The following MAP1B variants were observed in gnomAD, a reference collection of about 807,000 sequenced individuals.
MAP1B encodes the protein microtubule associated protein 1B, also known as microtubule-associated protein 1B.
A neutral mutation model predicts 176.1 loss-of-function variants in MAP1B; 12 were observed. The ratio of observed to expected loss-of-function variants is 0.07; its 90% CI spans 0.04 to 0.11. MAP1B has a LOEUF of 0.11. Among genes scored for constraint, MAP1B ranks in the 10% least tolerant of loss-of-function variants. The probability of loss-of-function intolerance (pLI) is 1.00; values close to 1 mark genes in which losing one functional copy is unlikely to be tolerated. For synonymous variants in MAP1B, 1,044 were observed against 1,135.0 expected (o/e 0.92, Z 1.61); for missense variants, 2,523 against 2,990.5 (o/e 0.84, Z 3.65).
At position 72,199,967 on chromosome 5, in the gene MAP1B, C is replaced by A; in HGVS notation, c.6612C>A (p.Pro2204=). 6.2e-7 allele frequency: 1 copy of A among 1,614,210 alleles called. No individual in the cohort carries two copies. The highest frequency in any genetic ancestry group is 8.5e-7 in the Non-Finnish European group (1 of 1,180,048). ...AACACATGGACCCACCTCCAGCTCC[C>A]GTGCAAGACCGCAGCCCTTCGCCAC... ...TYKHMDPPPA[P]VQDRSPSPRH... is the part of the protein sequence containing the mutation. Residue 2204 remains proline (P), a synonymous_variant, in exon 5 of 7, where the codon CCC becomes CCA. Transcript: ENST00000296755. The surrounding 1 kb of genome is among the most constrained non-coding windows in gnomAD (Gnocchi z 4.2).
At position 72,194,875 on chromosome 5, in the gene MAP1B, A is replaced by G. The variant is rs1747112139; in HGVS notation, c.1520A>G (p.His507Arg). 1.2e-6 allele frequency: 2 copies of G among 1,614,168 alleles called. No individual in the cohort carries two copies. Among genetic ancestry groups the G allele is most frequent in the South Asian group, 2.2e-5 (2 of 91,088 alleles). ...NILEGLEKLK[H>R]LDFLKQPLAT... ...CTGGAAGGGTTGGAAAAGCTCAAACATCTAGACTTTCTGAAGCAGCCACTG... is the reference window on the plus strand; with the variant it reads ...CTGGAAGGGTTGGAAAAGCTCAAACGTCTAGACTTTCTGAAGCAGCCACTG... Residue 507 changes from histidine to arginine, a missense_variant, in exon 5 of 7, where the codon CAT (histidine) becomes CGT (arginine). His to Arg is a conservative substitution (Grantham distance 29, BLOSUM62 0). This residue lies in a region of MAP1B where 1,925 missense variants were observed against 2,126.0 expected (regional missense o/e 0.91). Coordinates refer to ENST00000296755, the MANE Select transcript of MAP1B (RefSeq NM_005909.5). This position sits in a 1 kb window ranked among gnomAD's most constrained non-coding sequence, Gnocchi z 7.2.
intron 2 of MAP1B, among the ~76,000 whole-genome samples, chr5:72,117,373 A>G (rs1745453574): frequency 6.6e-6 from 1 of 152,134 alleles, no homozygotes; most frequent in Non-Finnish European, 1.5e-5. Context: ...TTTTCTCTGT[A>G]GGTTGTTCTG....
intron 2 of MAP1B, among the ~76,000 whole-genome samples, chr5:72,141,603 G>A (rs1745947400): frequency 6.6e-6 from 1 of 152,192 alleles, no homozygotes; most frequent in South Asian, 2.1e-4. Flanking sequence ...CAGCCTCTCA[G>A]TACCCTGATG....
intron 2 of MAP1B, among the ~76,000 whole-genome samples, chr5:72,183,521 G>A (rs1324936982): frequency 1.3e-5 from 2 of 152,120 alleles, no homozygotes; most frequent in Non-Finnish European, 2.9e-5. Flanking sequence ...AGAGCGGGAG[G>A]AGCCCCCGAC....
At chr5:72,165,675 G>C (rs1159067032) in intron 2 of MAP1B, among the ~76,000 whole-genome samples, 1 of 152,112 alleles carries the variant, frequency 6.6e-6, no homozygotes, top group Non-Finnish European at 1.5e-5. Flanking sequence ...GCCATTTATT[G>C]AACAGGACTA....
chr5:72,167,016 CTTTTT>C (rs35935162), intron 2 of MAP1B, among the ~76,000 whole-genome samples: 1 of 142,386 alleles, frequency 7.0e-6, no homozygotes. Context: ...TATATTCCTT[CTTTTT>C]TTTTTTTTTT....
chr5:72,175,081 T>G (rs1364391657), intron 2 of MAP1B, among the ~76,000 whole-genome samples: 3 of 142,562 alleles, frequency 2.1e-5, no homozygotes, highest in Non-Finnish European at 4.6e-5. Context: ...CTTTTCCTTC[T>G]TTTGACAGGA....
At chr5:72,203,380 T>C (rs1054370927) in intron 5 of MAP1B, among the ~76,000 whole-genome samples, 183 bp from the exon 6 acceptor site, 7 of 152,202 alleles carry the variant, frequency 4.6e-5, no homozygotes, top group African/African-American at 1.2e-4. Context: ...TTTTGTCACA[T>C]TGCTAGCGTA....
chr5:72,124,973 A>G (rs1019183185), intron 2 of MAP1B, among the ~76,000 whole-genome samples: 9 of 152,202 alleles, frequency 5.9e-5, no homozygotes, highest in Non-Finnish European at 1.3e-4. Flanking sequence ...ATTAAAGATC[A>G]AATAAGTTCT....
intron 2 of MAP1B, among the ~76,000 whole-genome samples, chr5:72,119,709 A>AT (rs1270815451): frequency 6.6e-6 from 1 of 152,008 alleles, no homozygotes; most frequent in African/African-American, 2.4e-5. Flanking sequence ...GGATTTCCCC[A>AT]TGTTGCCCAG....
chr5:72,112,855 T>C (rs1027412686), intron 1 of MAP1B, among the ~76,000 whole-genome samples: 2 of 152,146 alleles, frequency 1.3e-5, no homozygotes, highest in Admixed American at 6.5e-5. Context: ...TTGGTGTATA[T>C]TGGGGTGAAA....
At chr5:72,157,564 C>T (rs1746249565) in intron 2 of MAP1B, among the ~76,000 whole-genome samples, 1 of 152,132 alleles carries the variant, frequency 6.6e-6, no homozygotes, top group South Asian at 2.1e-4. Flanking sequence ...TGGGGACTGA[C>T]TGGGGAGGAC....
chr5:72,163,775 C>T (rs894049528), intron 2 of MAP1B, among the ~76,000 whole-genome samples: 3 of 152,094 alleles, frequency 2.0e-5, no homozygotes, highest in Non-Finnish European at 2.9e-5. Flanking sequence ...TCGGACAAGT[C>T]ACTTAGCCTT....
Position 72,198,997 on chromosome 5 carries a change from C to A in MAP1B, c.5642C>A (p.Ser1881Tyr), listed in dbSNP as rs999716166. 3 of 1,614,110 alleles carry A rather than the reference C, an allele frequency of 1.9e-6. No homozygotes were observed. Among genetic ancestry groups the A allele is most frequent in the Non-Finnish European group, 2.5e-6 (3 of 1,180,012 alleles). The change falls in exon 5 of 7, where the codon TCC (serine) becomes TAC (tyrosine). Residue 1881 changes from serine (S) to tyrosine (Y), a missense_variant. This residue lies in a region of MAP1B where 1,925 missense variants were observed against 2,126.0 expected (regional missense o/e 0.91). Transcript: ENST00000296755. The stretch of plus-strand genomic sequence containing the variant: ...CAAAAGCCTGAGGAAACAACCAGGT[C>A]CCCAGATGAAGAAGATTATGACTAT... ...AYQKPEETTR[S>Y]PDEEDYDYES...
At chr5:72,141,703 C>T (rs756429682) in intron 2 of MAP1B, among the ~76,000 whole-genome samples, 8 of 152,056 alleles carry the variant, frequency 5.3e-5, no homozygotes, top group Non-Finnish European at 8.8e-5. Flanking sequence ...TCTGGAAATT[C>T]CTTATATGGA....
chr5:72,189,519 T>C (rs369889063), intron 4 of MAP1B, among the ~76,000 whole-genome samples: 12 of 152,224 alleles, frequency 7.9e-5, no homozygotes, highest in African/African-American at 2.9e-4. Context: ...TCCTTCAAAC[T>C]TGTTCCTCTG....
rs186305674 is a variant in MAP1B at position 72,124,466 on chromosome 5, A to T, written c.286+8667A>T. 2.1e-3 allele frequency among the ~76,000 whole-genome samples: 323 copies of T among 152,376 alleles called. 3 individuals carry two copies. Among genetic ancestry groups the T allele is most frequent in the African/African-American group, 6.8e-3 (284 of 41,586 alleles). On this transcript the variant is annotated intron_variant, in intron 2 of 6. Transcript: ENST00000296755. ...GAGCGTCTACATGTGATTTAAAAATAAAAGTAAGTAATTAGGAATGAAAAT... is the reference window on the plus strand; with the variant it reads ...GAGCGTCTACATGTGATTTAAAAATTAAAGTAAGTAATTAGGAATGAAAAT...
chr5:72,130,874 A>C (rs1305221948), intron 2 of MAP1B, among the ~76,000 whole-genome samples: 1 of 152,248 alleles, frequency 6.6e-6, no homozygotes, highest in East Asian at 1.9e-4. Context: ...TTTTCAAAAA[A>C]TAGTTTACAT....
chr5:72,174,279 T>C (rs1433138546), intron 2 of MAP1B, among the ~76,000 whole-genome samples: 2 of 152,192 alleles, frequency 1.3e-5, no homozygotes, highest in African/African-American at 4.8e-5. Flanking sequence ...ATGATAAACA[T>C]TGACCTTTGT....
Sources: allele counts gnomAD v4.1 joint callset (sites outside exome capture counted in the v4.1 genomes callset), GRCh38; gene constraint gnomAD v4.1.1; regional missense constraint gnomAD v4.1.1; non-coding constraint Gnocchi (gnomAD v3.1); transcripts MANE v1.5; gene names NCBI Gene and HGNC (gene_info 2026-07-23, HGNC 2026-07-21).